Variants in FSHR observed in about 807,000 individuals in gnomAD.
FSHR encodes the protein follicle-stimulating hormone receptor.
A neutral mutation model predicts 52.1 loss-of-function variants in FSHR; 46 were observed. The ratio of observed to expected loss-of-function variants is 0.88; its 90% CI spans 0.70 to 1.13. The LOEUF (loss-of-function observed/expected upper bound fraction) is 1.13. Ranked by LOEUF, FSHR falls within the 50% of genes most tolerant of loss-of-function variation. The pLI is 0.00. For missense variants in FSHR, 964 were observed against 834.6 expected, an observed-to-expected ratio of 1.16 and a Z score of -1.91; for synonymous variants, 399 against 309.6, an observed-to-expected ratio of 1.29 and a Z score of -3.03.
At chr2:49,021,867 A>G (rs59321155) in intron 2 of FSHR, among the ~76,000 whole-genome samples, 1 of 50,992 alleles carries the variant, frequency 2.0e-5, no homozygotes, top group South Asian at 7.8e-4. Context: ...CTCTCTCTAT[A>G]TATATATATA....
chr2:49,119,090 G>A (rs570928452), intron 1 of FSHR, among the ~76,000 whole-genome samples: 45 of 152,300 alleles, frequency 3.0e-4, no homozygotes, highest in Admixed American at 7.8e-4. Flanking sequence ...GGACATCAGT[G>A]AGTAGGATAA....
intron 8 of FSHR, 83 bp downstream of exon 8, chr2:48,982,829 A>G (rs1005271799): frequency 1.9e-5 from 23 of 1,203,798 alleles, no homozygotes; most frequent in Non-Finnish European, 2.5e-6. Context: ...CTGTGTTGGA[A>G]GCTTCTCCCC....
chr2:49,091,602 C>T (rs765675229), intron 1 of FSHR, among the ~76,000 whole-genome samples: 1 of 152,106 alleles, frequency 6.6e-6, no homozygotes, highest in African/African-American at 2.4e-5. Flanking sequence ...CAGCCAATAA[C>T]AATTTTTTTA....
At chr2:49,064,705 T>C (rs1669438821) in intron 2 of FSHR, among the ~76,000 whole-genome samples, 1 of 152,034 alleles carries the variant, frequency 6.6e-6, no homozygotes. Flanking sequence ...CAACAGGACT[T>C]GGTGTTGTAC....
intron 1 of FSHR, among the ~76,000 whole-genome samples, chr2:49,085,664 C>T (rs530224380): frequency 2.5e-4 from 38 of 152,172 alleles, no homozygotes; most frequent in African/African-American, 7.5e-4. Context: ...CACATGCACA[C>T]GTATGTTTAT....
chr2:48,969,826 C>A (rs1232817120), intron 8 of FSHR, among the ~76,000 whole-genome samples: 1 of 152,196 alleles, frequency 6.6e-6, no homozygotes, highest in African/African-American at 2.4e-5. Context: ...GATGTGGGCG[C>A]TTTTCTGGCA....
intron 2 of FSHR, among the ~76,000 whole-genome samples, chr2:49,026,559 C>A (rs188907339): frequency 1.4e-4 from 21 of 152,202 alleles, no homozygotes; most frequent in Admixed American, 3.3e-4. Context: ...TAATAAGCAC[C>A]TTTTAGTACA....
chr2:49,009,507 C>G (rs1171764678), intron 4 of FSHR, among the ~76,000 whole-genome samples: 1 of 128,210 alleles, frequency 7.8e-6, no homozygotes, highest in Admixed American at 8.5e-5. Flanking sequence ...CTTGGTGATG[C>G]GGGCTCTTTT....
chr2:48,989,952 T>C (rs1424040030), intron 5 of FSHR, among the ~76,000 whole-genome samples: 2 of 152,186 alleles, frequency 1.3e-5, no homozygotes, highest in Non-Finnish European at 2.9e-5. Context: ...AAGATTTTCA[T>C]ATTTTCCTCT....
At chr2:49,097,241 CTTTGAATTT>C (rs1322346264) in intron 1 of FSHR, among the ~76,000 whole-genome samples, 3 of 151,950 alleles carry the variant, frequency 2.0e-5, no homozygotes, top group Non-Finnish European at 4.4e-5. Flanking sequence ...GCATAGATTT[CTTTGAATTT>C]TTTTTCATTT....
At chr2:48,976,433 T>A (rs1674991334) in intron 8 of FSHR, among the ~76,000 whole-genome samples, 1 of 152,216 alleles carries the variant, frequency 6.6e-6, no homozygotes, top group Non-Finnish European at 1.5e-5. Context: ...TCAGGGATAT[T>A]GGCCTGAAAT....
chr2:49,032,803 T>C (rs1367309191), intron 2 of FSHR, among the ~76,000 whole-genome samples: 1 of 152,238 alleles, frequency 6.6e-6, no homozygotes, highest in Non-Finnish European at 1.5e-5. Flanking sequence ...ACTGGTGTTA[T>C]GGATCCTATC....
chr2:49,061,687 A>C (rs1669301188), intron 2 of FSHR, among the ~76,000 whole-genome samples: 1 of 141,478 alleles, frequency 7.1e-6, no homozygotes, highest in Admixed American at 7.1e-5. Flanking sequence ...ATATAACTAT[A>C]TATTTATATT....
At chr2:49,056,512 A>G (rs950683299) in intron 2 of FSHR, among the ~76,000 whole-genome samples, 1 of 149,096 alleles carries the variant, frequency 6.7e-6, no homozygotes, top group Non-Finnish European at 1.5e-5. Flanking sequence ...CACAGATATA[A>G]AAAGCAAATA....
chr2:49,108,219 C>T (rs1671301396), intron 1 of FSHR, among the ~76,000 whole-genome samples: 1 of 152,136 alleles, frequency 6.6e-6, no homozygotes, highest in Non-Finnish European at 1.5e-5. Flanking sequence ...CATCGAATCC[C>T]CTGCTTCTCA....
In FSHR at chr2:49,127,898, C is replaced by CTTCTTCTTCTTCTTCTTCTTCTT. The variant is rs1558457105; in HGVS notation, c.152+26367_152+26368insAAGAAGAAGAAGAAGAAGAAGAA. 1.5e-4 allele frequency among the ~76,000 whole-genome samples: 4 copies of CTTCTTCTTCTTCTTCTTCTTCTT among 27,258 alleles called. 1 individual carries two copies. Among genetic ancestry groups the CTTCTTCTTCTTCTTCTTCTTCTT allele is most frequent in the African/African-American group, 7.1e-4 (4 of 5,600 alleles). 17.9% of individuals were successfully genotyped at this position (27,258 alleles called of 152,430 possible). A position where few individuals can be genotyped will look rare whatever the true frequency, so the allele number is the denominator to read the frequency against. ...TCTTCTTCTTCTTCTTCTTCTTCTT[C>CTTCTTCTTCTTCTTCTTCTTCTT]TTTTTTTTTTTTGAGACGGAGTCTT... On this transcript the variant is annotated intron_variant, in intron 1 of 9. Coordinates refer to ENST00000406846, the MANE Select transcript of FSHR (RefSeq NM_000145.4).
intron 1 of FSHR, among the ~76,000 whole-genome samples, chr2:49,112,909 T>C (rs1401899957): frequency 6.6e-6 from 1 of 152,148 alleles, no homozygotes; most frequent in Admixed American, 6.6e-5. Context: ...CTTTTATTCC[T>C]GACACAAGTC....
intron 4 of FSHR, among the ~76,000 whole-genome samples, chr2:49,010,679 G>A (rs1667237229): frequency 6.6e-6 from 1 of 151,660 alleles, no homozygotes; most frequent in Non-Finnish European, 1.5e-5. Flanking sequence ...TGGTTGGTAA[G>A]CTATTGATTA....
chr2:48,962,531 AATT>A lies in FSHR; in HGVS notation c.*199_*201del, dbSNP rs888513542. 3.3e-6 allele frequency: 2 copies of A among 597,788 alleles called. No homozygotes were observed. Among genetic ancestry groups the A allele is most frequent in the East Asian group, 2.9e-5 (1 of 34,590 alleles). 37.0% of individuals were successfully genotyped at this position (597,788 alleles called of 1,614,324 possible). A position where few individuals can be genotyped will look rare whatever the true frequency, so the allele number is the denominator to read the frequency against. On this transcript the variant is annotated 3_prime_UTR_variant, in exon 10 of 10. Transcript: ENST00000406846. ...TATGTAATACAGTATTGCATTCTTT[AATT>A]ATTATTGTTGTTACTAATAATTCAG...
Sources: gnomAD v4.1 joint callset for allele counts (sites outside exome capture counted in the v4.1 genomes callset) on GRCh38, gnomAD v4.1.1 for gene constraint, MANE v1.5 for transcripts, NCBI Gene and HGNC (gene_info 2026-07-23, HGNC 2026-07-21) for gene names.